The following RAD17 variants were observed in gnomAD, a reference collection of about 807,000 sequenced individuals.
RAD17 encodes RAD17 checkpoint clamp loader component.
A neutral mutation model predicts 81.5 loss-of-function variants in RAD17; 31 were observed. The ratio of observed to expected loss-of-function variants is 0.38; its 90% CI spans 0.29 to 0.51. RAD17 has a LOEUF of 0.51. Among genes scored for constraint, RAD17 ranks in the 20% least tolerant of loss-of-function variants. RAD17 has a pLI of 0.88. For missense variants in RAD17, 681 were observed against 781.2 expected, an observed-to-expected ratio of 0.87 and a Z score of 1.53; for synonymous variants, 261 against 266.2, an observed-to-expected ratio of 0.98 and a Z score of 0.19.
chr5:69,369,738 T>TG, upstream of RAD17: 1 of 1,539,174 alleles, frequency 6.5e-7, no homozygotes, highest in Non-Finnish European at 8.8e-7. Flanking sequence ...GGCAGTGCGC[T>TG]GGATGCCTAA....
At chr5:69,379,885 CTTT>C (rs1166961859) in intron 6 of RAD17, among the ~76,000 whole-genome samples, 1 of 143,278 alleles carries the variant, frequency 7.0e-6, no homozygotes. Context: ...TAGTTAACTT[CTTT>C]TTTTTTTTTT....
Position 69,391,838 on chromosome 5 carries a change from C to T in RAD17, c.1014C>T (p.Asn338=). Reference sequence around the variant, plus strand: ...TGGATGTATATTATTCAGGAGAAAACAACTTACGGCCAAGGAAAAAAGGAA... The same window carrying T: ...TGGATGTATATTATTCAGGAGAAAATAACTTACGGCCAAGGAAAAAAGGAA... The part of the protein sequence containing the change: ...SLQFSSSKGE[N]NLRPRKKGMS... The change falls in exon 13 of 19, where the codon AAC becomes AAT. Residue 338 remains asparagine, a synonymous_variant. Transcript: ENST00000354868. 6.5e-7 allele frequency: 1 copy of T among 1,531,566 alleles called. No homozygotes were observed. 94.9% of individuals were successfully genotyped at this position (1,531,566 alleles called of 1,614,324 possible). A position where few individuals can be genotyped will look rare whatever the true frequency, so the allele number is the denominator to read the frequency against.
rs550222595 is a variant in RAD17, at chr5:69,407,562, G to GTTTTTTTTTTTTT, written c.1694-2912_1694-2900dup. ...CTTCTATATGTCAATCTATGTCCAA[G>GTTTTTTTTTTTTT]TTTTTTTTTTTTTTTTTTTTTTTTT... On this transcript the variant is annotated intron_variant, in intron 17 of 18. Coordinates refer to ENST00000354868, the MANE Select transcript of RAD17 (RefSeq NM_133338.3). Among the ~76,000 whole-genome samples, 6 of 40,924 alleles carry GTTTTTTTTTTTTT rather than the reference G, an allele frequency of 1.5e-4. 1 individual carries two copies. The highest frequency in any genetic ancestry group is 2.1e-4 in the Non-Finnish European group (5 of 24,386). 26.8% of individuals were successfully genotyped at this position (40,924 alleles called of 152,430 possible).
rs193137060 is a variant in RAD17, at chr5:69,412,039, C to T, written c.1751+1489C>T. Among the ~76,000 whole-genome samples, 668 of 152,232 alleles carry T rather than the reference C, an allele frequency of 4.4e-3. 8 individuals carry two copies. The highest frequency in any genetic ancestry group is 0.016 in the African/African-American group (651 of 41,530). On this transcript the variant is annotated intron_variant, in intron 18 of 18. Transcript: ENST00000354868. ...TAGCACGATCTCGGCTCACTGCAAG[C>T]TCCACCTTCTGGGCTCACACCATTC...
intron 6 of RAD17, among the ~76,000 whole-genome samples, chr5:69,377,172 G>C (rs951606571): frequency 2.3e-4 from 35 of 151,948 alleles, no homozygotes; most frequent in African/African-American, 8.2e-4. Flanking sequence ...GTATTCCTCT[G>C]ATGTTTCATA....
Position 69,381,993 on chromosome 5 carries a change from A to G in RAD17, c.444A>G (p.Gln148=). The change falls in exon 7 of 19, where the codon CAA becomes CAG. Residue 148 remains glutamine (Q), a synonymous_variant. Transcript: ENST00000354868. ...ILSKEHGIQV[Q]EWINPVLPDF... ...CAAAGGAGCATGGTATTCAAGTACA[A>G]GAGTGGATTAATCCAGTTTTACCAG... is the stretch of plus-strand genomic sequence containing the variant. 1.2e-6 allele frequency: 2 copies of G among 1,610,048 alleles called. No individual in the cohort carries two copies. The highest frequency in any genetic ancestry group is 1.3e-5 in the African/African-American group (1 of 74,948).
intron 1 of RAD17, 30 bp downstream of exon 1, chr5:69,369,963 T>C (rs1419893791): frequency 3.7e-6 from 2 of 533,432 alleles, no homozygotes; most frequent in African/African-American, 3.9e-5. Flanking sequence ...GGCTATATTA[T>C]GTATATGTCT....
At chr5:69,402,526 G>T (rs1459699519) in intron 17 of RAD17, among the ~76,000 whole-genome samples, 10 of 151,996 alleles carry the variant, frequency 6.6e-5, no homozygotes, top group Non-Finnish European at 1.5e-4. Context: ...ACGGTGGCAG[G>T]TGCCTGTAGT....
chr5:69,369,406 A>G, upstream of RAD17: 1 of 1,593,100 alleles, frequency 6.3e-7, no homozygotes. Context: ...CGATGCCCAG[A>G]GCACTCTGCG....
intron 6 of RAD17, among the ~76,000 whole-genome samples, chr5:69,376,151 A>G (rs1312947342): frequency 6.6e-6 from 1 of 152,192 alleles, no homozygotes; most frequent in Non-Finnish European, 1.5e-5. Flanking sequence ...GATCAAAGAG[A>G]TGAAAGTCAA....
At chr5:69,405,494 C>CT (rs2150875563) in intron 17 of RAD17, among the ~76,000 whole-genome samples, 1 of 151,990 alleles carries the variant, frequency 6.6e-6, no homozygotes, top group East Asian at 1.9e-4. Flanking sequence ...TGATGAAACT[C>CT]TGCCTCTACT....
intron 5 of RAD17, 68 bp from the exon 6 acceptor site, chr5:69,374,560 T>C: frequency 1.9e-6 from 2 of 1,043,536 alleles, no homozygotes; most frequent in South Asian, 1.5e-5. Flanking sequence ...CTTAGGTTCA[T>C]ATGTGCTGAT....
intron 8 of RAD17, among the ~76,000 whole-genome samples, chr5:69,385,813 G>A (rs1764177235): frequency 6.6e-6 from 1 of 152,108 alleles, no homozygotes; most frequent in African/African-American, 2.4e-5. Context: ...TTACTTCCTA[G>A]TGAAAATACT....
rs566687589 is a variant in RAD17 at position 69,412,132 on chromosome 5, A to AT, written c.1751+1587dup. 2.6e-3 allele frequency among the ~76,000 whole-genome samples: 399 copies of AT among 151,740 alleles called. 1 individual carries two copies. The highest frequency in any genetic ancestry group is 9.4e-3 in the African/African-American group (390 of 41,378). On this transcript the variant is annotated intron_variant, in intron 18 of 18. Coordinates refer to ENST00000354868, the MANE Select transcript of RAD17 (RefSeq NM_133338.3). ...CCACCACGCCCAGCTAATTTTTTGT[A>AT]TTTTTAGTAGAGACAGGGTTTCACT... is the stretch of plus-strand genomic sequence containing the variant.
intron 6 of RAD17, among the ~76,000 whole-genome samples, chr5:69,376,256 C>T (rs1052167372): frequency 1.6e-4 from 25 of 152,184 alleles, no homozygotes; most frequent in Admixed American, 1.6e-3. Flanking sequence ...CTCCATCAGT[C>T]GTCCACCTAA....
At chr5:69,412,984 CA>C (rs58817125) in intron 18 of RAD17, among the ~76,000 whole-genome samples, 119,634 of 145,068 alleles carry the variant, frequency 0.82, 50,206 homozygotes, top group Non-Finnish European at 0.92. Flanking sequence ...AAGACTGTCT[CA>C]AAAAAAAAAA....
At chr5:69,409,823 A>G (rs553139919) in intron 17 of RAD17, among the ~76,000 whole-genome samples, 2 of 152,194 alleles carry the variant, frequency 1.3e-5, no homozygotes, top group African/African-American at 4.8e-5. Context: ...AACTATTAGC[A>G]TTAATTCCCC....
rs1764667471 is a variant in RAD17 at position 69,393,429 on chromosome 5, A to G, written c.1351A>G (p.Met451Val). The change falls in exon 15 of 19, where the codon ATG (methionine) becomes GTG (valine). Residue 451 changes from methionine to valine, a missense_variant. Physicochemically the swap from Met to Val is conservative, Grantham distance 21. Transcript: ENST00000354868. ...TCACCAAAACTACATAGATTTCTTC[A>G]TGGAAATTGATGATATTGTGAGAGC... The part of the protein sequence containing the change: ...YLHQNYIDFF[M>V]EIDDIVRASE... 1 of 1,609,114 alleles carries G rather than the reference A, an allele frequency of 6.2e-7. No homozygotes were observed. Among genetic ancestry groups the G allele is most frequent in the Non-Finnish European group, 8.5e-7 (1 of 1,176,916 alleles).
chr5:69,386,141 T>A, intron 9 of RAD17, 39 bp from the exon 10 acceptor site: 1 of 1,600,216 alleles, frequency 6.2e-7, no homozygotes, highest in Non-Finnish European at 8.5e-7. Context: ...AAATGAGAAG[T>A]GGCTTAAATT....
Sources: allele counts gnomAD v4.1 joint callset (sites outside exome capture counted in the v4.1 genomes callset), GRCh38; gene constraint gnomAD v4.1.1; transcripts MANE v1.5; gene names NCBI Gene and HGNC (gene_info 2026-07-23, HGNC 2026-07-21).